ZFAT: variants seen among roughly 807,000 people sequenced by gnomAD.
ZFAT encodes zinc finger protein ZFAT.
Under a neutral mutation model 117.7 loss-of-function variants are expected in ZFAT, and 64 were observed. That is an observed-to-expected ratio of 0.54 (90% CI 0.44 to 0.67). The LOEUF (loss-of-function observed/expected upper bound fraction) is 0.67, where lower values mean the gene tolerates loss of function less well. Among genes scored for constraint, ZFAT ranks in the 30% least tolerant of loss-of-function variants. ZFAT has a pLI of 0.00. For synonymous variants in ZFAT, 679 were observed against 615.0 expected (o/e 1.10, Z -1.54); for missense variants, 1,433 against 1,584.5 (o/e 0.90, Z 1.62).
chr8:134,730,106 A>T, the ZFAT span, among the ~76,000 whole-genome samples: 1 of 152,156 alleles, frequency 6.6e-6, no homozygotes, highest in South Asian at 2.1e-4. Flanking sequence ...CACTTGTGTC[A>T]GGGAGAAAGC....
the ZFAT span, among the ~76,000 whole-genome samples, chr8:134,812,586 T>C: frequency 6.6e-6 from 1 of 152,034 alleles, no homozygotes; most frequent in Non-Finnish European, 1.5e-5. Context: ...AATACAAAAA[T>C]TAATTGGGCA....
chr8:134,521,138 C>A, intron 12 of ZFAT, 137 bp from the exon 13 acceptor site: 1 of 585,642 alleles, frequency 1.7e-6, no homozygotes, highest in Non-Finnish European at 3.0e-6. Context: ...TTCAAGCTTA[C>A]CTTAGTATTG....
At chr8:134,566,802 T>C (rs936776498) in intron 10 of ZFAT, among the ~76,000 whole-genome samples, 10 of 152,234 alleles carry the variant, frequency 6.6e-5, no homozygotes, top group Non-Finnish European at 1.3e-4. Context: ...TGTATGTTAC[T>C]GGATGACTGT....
chr8:134,794,539 T>A, the ZFAT span: 2 of 152,250 alleles, frequency 1.3e-5, no homozygotes, highest in Non-Finnish European at 2.9e-5. Context: ...TTTTAGGCAC[T>A]CTGATTAGTG....
intron 10 of ZFAT, among the ~76,000 whole-genome samples, chr8:134,574,551 A>G (rs1825167232): frequency 6.6e-6 from 1 of 152,028 alleles, no homozygotes; most frequent in African/African-American, 2.4e-5. Flanking sequence ...GGTAGGAAAG[A>G]AAAAAACTTA....
intron 3 of ZFAT, among the ~76,000 whole-genome samples, chr8:134,615,185 G>A (rs895394325): frequency 1.9e-4 from 29 of 152,084 alleles, no homozygotes; most frequent in African/African-American, 6.3e-4. Context: ...CGGCTAAGGT[G>A]GAACCAGTGC....
intron 1 of ZFAT, among the ~76,000 whole-genome samples, chr8:134,705,085 T>A (rs1047615031): frequency 3.3e-5 from 5 of 151,936 alleles, no homozygotes; most frequent in African/African-American, 2.4e-5. Context: ...TGGGAGAAAA[T>A]ATTCACAACA....
At chr8:134,486,206 C>A (rs963238407) in intron 15 of ZFAT, among the ~76,000 whole-genome samples, 1 of 152,340 alleles carries the variant, frequency 6.6e-6, no homozygotes, top group African/African-American at 2.4e-5. Context: ...CTGCCGCCAA[C>A]GCAGCTGCCT....
chr8:134,738,063 A>C, the ZFAT span, among the ~76,000 whole-genome samples: 1 of 152,016 alleles, frequency 6.6e-6, no homozygotes, highest in Non-Finnish European at 1.5e-5. Context: ...GGCTGAAATC[A>C]CCTTGTCATT....
chr8:134,813,801 TACACACACACACAC>T, the ZFAT span, among the ~76,000 whole-genome samples: 1,589 of 147,128 alleles, frequency 0.011, 27 homozygotes, highest in African/African-American at 0.037. Context: ...TTTGATTTTA[TACACACACACACAC>T]ACACACACAC....
the ZFAT span, among the ~76,000 whole-genome samples, chr8:134,761,248 T>C: frequency 2.9e-3 from 435 of 152,168 alleles, 1 homozygote; most frequent in African/African-American, 1.0e-2. Flanking sequence ...CTATGAATGA[T>C]ACAGGCACAA....
At chr8:134,769,332 G>T in the ZFAT span, among the ~76,000 whole-genome samples, 1 of 152,190 alleles carries the variant, frequency 6.6e-6, no homozygotes, top group Non-Finnish European at 1.5e-5. Flanking sequence ...TCCAAGTGGG[G>T]GAAATTGGCC....
chr8:134,811,177 C>A, the ZFAT span, among the ~76,000 whole-genome samples: 7 of 152,136 alleles, frequency 4.6e-5, no homozygotes, highest in Admixed American at 4.6e-4. Context: ...ATTCCCTAAA[C>A]GTTTCAAAAG....
At chr8:134,495,017 C>T (rs530540872) in intron 15 of ZFAT, among the ~76,000 whole-genome samples, 3 of 152,148 alleles carry the variant, frequency 2.0e-5, no homozygotes, top group Non-Finnish European at 2.9e-5. Flanking sequence ...CTACTTAATT[C>T]GACTCTCTTT....
chr8:134,628,902 C>T (rs886176180), intron 3 of ZFAT, among the ~76,000 whole-genome samples: 2 of 152,314 alleles, frequency 1.3e-5, no homozygotes, highest in Non-Finnish European at 2.9e-5. Flanking sequence ...AAGAACTCTA[C>T]AGATGCTTAT....
rs150356768 is a variant in ZFAT at position 134,553,948 on chromosome 8, C to T, written c.2976+11385G>A. Among the ~76,000 whole-genome samples, 485 of 152,312 alleles carry T rather than the reference C, an allele frequency of 3.2e-3. 2 individuals are homozygous for T. Among genetic ancestry groups the T allele is most frequent in the Non-Finnish European group, 4.5e-3 (304 of 68,020 alleles). On this transcript the variant is annotated intron_variant, in intron 11 of 15. Coordinates refer to ENST00000377838, the MANE Select transcript of ZFAT (RefSeq NM_020863.4). ...TCTTGTGCTGTAGGATACAGGCCTT[C>T]CATCAAACCTGCACACTGTTGTTTC...
intron 15 of ZFAT, among the ~76,000 whole-genome samples, chr8:134,495,746 A>G (rs1036806085): frequency 2.0e-5 from 3 of 152,208 alleles, no homozygotes; most frequent in African/African-American, 7.2e-5. Flanking sequence ...CCTGTGCAAC[A>G]TGGCAAAATC....
chr8:134,638,164 G>T (rs1054002141), intron 2 of ZFAT, among the ~76,000 whole-genome samples: 7 of 152,044 alleles, frequency 4.6e-5, no homozygotes, highest in African/African-American at 1.7e-4. Flanking sequence ...TTATTTCAAG[G>T]AGTCATAATT....
At chr8:134,758,353 T>A in the ZFAT span, among the ~76,000 whole-genome samples, 2 of 152,216 alleles carry the variant, frequency 1.3e-5, no homozygotes, top group African/African-American at 4.8e-5. Flanking sequence ...AACAGTCATT[T>A]GGGAATAAAA....
Sources: gnomAD v4.1 joint callset for allele counts (sites outside exome capture counted in the v4.1 genomes callset) on GRCh38, gnomAD v4.1.1 for gene constraint, MANE v1.5 for transcripts, NCBI Gene and HGNC (gene_info 2026-07-23, HGNC 2026-07-21) for gene names.